CFAP53: variants seen among roughly 807,000 people sequenced by gnomAD.
CFAP53 encodes cilia- and flagella-associated protein 53.
In CFAP53, 62 loss-of-function variants were observed where a neutral mutation model predicts 59.7. The ratio of observed to expected loss-of-function variants is 1.04; its 90% CI spans 0.85 to 1.28. CFAP53 has a LOEUF of 1.28. Among genes scored for constraint, CFAP53 ranks in the 50% most tolerant of loss-of-function variants. The pLI is 0.00. For missense variants in CFAP53, 629 were observed against 615.6 expected, an observed-to-expected ratio of 1.02 and a Z score of -0.23; for synonymous variants, 218 against 205.7, an observed-to-expected ratio of 1.06 and a Z score of -0.51.
At position 50,243,094 on chromosome 18, in the gene CFAP53, T is replaced by G. The variant is rs771541395; in HGVS notation, c.1019A>C (p.Lys340Thr). 1 of 1,612,182 alleles carries G rather than the reference T, an allele frequency of 6.2e-7. No homozygotes were observed. The highest frequency in any genetic ancestry group is 1.1e-5 in the South Asian group (1 of 91,040). ...QKREDMIREQ[K>T]IYHKYLAQRR... ...CTGTGCCAAATATTTATGGTATATC[T>G]TCTGTTCTCTTATCATATCTTCCTA... is the stretch of plus-strand genomic sequence containing the variant. The change falls in exon 6 of 8, where the codon AAG (lysine) becomes ACG (threonine). Residue 340 changes from lysine to threonine, a missense_variant. Coordinates refer to ENST00000398545, the MANE Select transcript of CFAP53 (RefSeq NM_145020.5).
intron 3 of CFAP53, among the ~76,000 whole-genome samples, chr18:50,253,174 G>A (rs1326227378): frequency 1.3e-5 from 2 of 152,046 alleles, no homozygotes; most frequent in African/African-American, 2.4e-5. Context: ...CCACCACCAC[G>A]CCTGGAGAAT....
intron 7 of CFAP53, among the ~76,000 whole-genome samples, chr18:50,234,520 G>A (rs1258843359): frequency 6.6e-6 from 1 of 152,106 alleles, no homozygotes; most frequent in African/African-American, 2.4e-5. Flanking sequence ...AAATTATACT[G>A]GAATCCAAAC....
At chr18:50,261,002 T>C (rs1335133915) in intron 3 of CFAP53, 62 bp downstream of exon 3, 1 of 1,519,570 alleles carries the variant, frequency 6.6e-7, no homozygotes, top group Non-Finnish European at 8.9e-7. Flanking sequence ...AAATTAGCAT[T>C]CTTAAATCTA....
chr18:50,244,269 T>C (rs1410776408), intron 5 of CFAP53, among the ~76,000 whole-genome samples: 1 of 152,110 alleles, frequency 6.6e-6, no homozygotes, highest in Non-Finnish European at 1.5e-5. Flanking sequence ...TGGGAGGTGA[T>C]TGGGTCATGG....
intron 1 of CFAP53, among the ~76,000 whole-genome samples, chr18:50,266,057 C>T (rs925324460): frequency 1.4e-4 from 21 of 152,194 alleles, no homozygotes; most frequent in Non-Finnish European, 2.9e-4. Flanking sequence ...ACCCTAAGAT[C>T]CCTAGTGGTG....
chr18:50,252,287 G>T (rs1479394772), intron 3 of CFAP53, among the ~76,000 whole-genome samples: 2 of 151,906 alleles, frequency 1.3e-5, no homozygotes, highest in Admixed American at 6.6e-5. Flanking sequence ...TGTATTTTTA[G>T]TAGAGACGGG....
chr18:50,254,947 T>C (rs2033834294), intron 3 of CFAP53, among the ~76,000 whole-genome samples: 1 of 152,192 alleles, frequency 6.6e-6, no homozygotes, highest in Non-Finnish European at 1.5e-5. Context: ...ATAATTATCC[T>C]CAATAAACAA....
At chr18:50,249,203 CAA>C (rs34676585) in intron 5 of CFAP53, among the ~76,000 whole-genome samples, 65,110 of 104,664 alleles carry the variant, frequency 0.62, 19,049 homozygotes, top group Admixed American at 0.7. Flanking sequence ...AATTCTATCT[CAA>C]AAAAAAAAAA....
intron 7 of CFAP53, 33 bp downstream of exon 7, chr18:50,238,570 T>G: frequency 6.6e-7 from 1 of 1,508,960 alleles, no homozygotes; most frequent in Non-Finnish European, 9.2e-7. Flanking sequence ...ATTTTTTAGG[T>G]AGCAAATGAT....
Position 50,251,478 on chromosome 18 carries a change from C to G in CFAP53, c.777+3G>C. 1 of 1,610,456 alleles carries G rather than the reference C, an allele frequency of 6.2e-7. No homozygotes were observed. The highest frequency in any genetic ancestry group is 8.5e-7 in the Non-Finnish European group (1 of 1,179,020). On this transcript the variant is annotated splice_donor_region_variant and intron_variant, in intron 4 of 7. Transcript: ENST00000398545. ...CCCTCTAACAAGCATTTTAAAGGCC[C>G]ACCACAAGGCGTGCCTCCTCTTCCT...
intron 3 of CFAP53, among the ~76,000 whole-genome samples, chr18:50,259,325 T>C (rs993075569): frequency 1.3e-5 from 2 of 152,126 alleles, no homozygotes; most frequent in African/African-American, 4.8e-5. Context: ...CTGGAGGTCA[T>C]TATGTTAAGT....
intron 6 of CFAP53, among the ~76,000 whole-genome samples, chr18:50,239,577 G>A (rs1309374004): frequency 6.6e-6 from 1 of 152,116 alleles, no homozygotes; most frequent in African/African-American, 2.4e-5. Flanking sequence ...TGGTAATCTG[G>A]AATTCTAAAA....
Position 50,227,360 on chromosome 18 carries a change from GAT to G in CFAP53, c.*19_*20del. ...TAAAAATATTAAAAGACCAAGAAAA[GAT>G]ATATTGATGCTCACGGAACTACGGT... On this transcript the variant is annotated 3_prime_UTR_variant, in exon 8 of 8. Coordinates refer to ENST00000398545, the MANE Select transcript of CFAP53 (RefSeq NM_145020.5). 1 of 1,578,682 alleles carries G rather than the reference GAT, an allele frequency of 6.3e-7. No individual in the cohort carries two copies. Among genetic ancestry groups the G allele is most frequent in the East Asian group, 2.3e-5 (1 of 44,336 alleles).
At chr18:50,258,363 C>G (rs529854968) in intron 3 of CFAP53, among the ~76,000 whole-genome samples, 1 of 152,232 alleles carries the variant, frequency 6.6e-6, no homozygotes, top group South Asian at 2.1e-4. Flanking sequence ...AAAAGACAGT[C>G]TCTTCAATAT....
intron 5 of CFAP53, among the ~76,000 whole-genome samples, 168 bp from the exon 6 acceptor site, chr18:50,243,284 G>A (rs1003957169): frequency 6.6e-5 from 10 of 152,112 alleles, no homozygotes; most frequent in South Asian, 2.1e-4. Flanking sequence ...CAAGAGTAGC[G>A]GGGGAAATGG....
At chr18:50,232,815 G>C (rs1227991138) in intron 7 of CFAP53, among the ~76,000 whole-genome samples, 1 of 152,228 alleles carries the variant, frequency 6.6e-6, no homozygotes, top group Non-Finnish European at 1.5e-5. Context: ...CTTGCACTGT[G>C]CAGTGGCTGG....
At chr18:50,247,410 C>T (rs1025304031) in intron 5 of CFAP53, among the ~76,000 whole-genome samples, 3 of 152,302 alleles carry the variant, frequency 2.0e-5, no homozygotes, top group Non-Finnish European at 2.9e-5. Flanking sequence ...TTCCTCAAAA[C>T]TTCAACACAG....
At chr18:50,258,012 G>A (rs1462798287) in intron 3 of CFAP53, among the ~76,000 whole-genome samples, 1 of 151,968 alleles carries the variant, frequency 6.6e-6, no homozygotes, top group Non-Finnish European at 1.5e-5. Context: ...TCCACCTTGG[G>A]CAACATACAC....
intron 4 of CFAP53, 103 bp from the exon 5 acceptor site, chr18:50,251,079 C>T (rs977525250): frequency 4.2e-6 from 4 of 942,244 alleles, no homozygotes; most frequent in Non-Finnish European, 6.7e-6. Flanking sequence ...TGGAAATACA[C>T]ACACACCTGG....
Sources: gnomAD v4.1 joint callset for allele counts (sites outside exome capture counted in the v4.1 genomes callset) on GRCh38, gnomAD v4.1.1 for gene constraint, MANE v1.5 for transcripts, NCBI Gene and HGNC (gene_info 2026-07-23, HGNC 2026-07-21) for gene names.